DLGAP1: variants seen among roughly 807,000 people sequenced by gnomAD.
DLGAP1 encodes the protein DLG associated protein 1.
DLGAP1 carries 11 observed loss-of-function variants against 90.8 expected under a neutral mutation model. The observed-to-expected ratio is 0.12, with a 90% confidence interval of 0.08 to 0.20. DLGAP1 has a LOEUF of 0.20. Ranked by LOEUF, DLGAP1 falls within the 10% of genes least tolerant of loss-of-function variation. DLGAP1 has a pLI of 1.00. For missense variants in DLGAP1, 1,050 were observed against 1,333.8 expected, an observed-to-expected ratio of 0.79 and a Z score of 3.31; for synonymous variants, 558 against 540.7, an observed-to-expected ratio of 1.03 and a Z score of -0.44.
At chr18:3,815,490 G>T (rs1487013983) in intron 4 of DLGAP1, among the ~76,000 whole-genome samples, 2 of 152,014 alleles carry the variant, frequency 1.3e-5, no homozygotes, top group Non-Finnish European at 2.9e-5. Context: ...GACTTACCTG[G>T]TGTAGCTACT....
intron 1 of DLGAP1, among the ~76,000 whole-genome samples, chr18:4,288,170 G>T (rs906619803): frequency 6.6e-6 from 1 of 152,044 alleles, no homozygotes; most frequent in Non-Finnish European, 1.5e-5. Context: ...CCACTAACTC[G>T]TCATCTAGCA....
intron 7 of DLGAP1, among the ~76,000 whole-genome samples, chr18:3,649,646 C>T (rs1303604212): frequency 6.6e-6 from 1 of 152,162 alleles, no homozygotes; most frequent in African/African-American, 2.4e-5. Context: ...AGGCAAATAG[C>T]GGCTCCTTGC....
chr18:4,435,593 T>C (rs1263017931), intron 1 of DLGAP1, among the ~76,000 whole-genome samples: 1 of 152,216 alleles, frequency 6.6e-6, no homozygotes, highest in African/African-American at 2.4e-5. Context: ...GGGAGGGCAC[T>C]GATGTAAAAT....
chr18:3,691,189 C>T (rs772879887), intron 7 of DLGAP1, among the ~76,000 whole-genome samples: 363 of 152,254 alleles, frequency 2.4e-3, no homozygotes, highest in Non-Finnish European at 2.5e-3. Flanking sequence ...GGGGTCATGC[C>T]TGTAATCCCA....
intron 2 of DLGAP1, among the ~76,000 whole-genome samples, chr18:4,142,493 CA>C (rs2076511265): frequency 6.6e-6 from 1 of 152,130 alleles, no homozygotes; most frequent in Non-Finnish European, 1.5e-5. Flanking sequence ...GTCTCTGAGA[CA>C]TGAAAAATAA....
intron 1 of DLGAP1, among the ~76,000 whole-genome samples, chr18:4,434,862 CAG>C (rs1439546111): frequency 6.6e-6 from 1 of 152,076 alleles, no homozygotes; most frequent in African/African-American, 2.4e-5. Context: ...AGCGGGAAGA[CAG>C]AGAGAGAAAC....
chr18:4,009,696 G>T (rs1347057316), intron 2 of DLGAP1, among the ~76,000 whole-genome samples: 1 of 152,176 alleles, frequency 6.6e-6, no homozygotes, highest in Admixed American at 6.5e-5. Flanking sequence ...ATAACAAACG[G>T]AAGTTATGCC....
chr18:4,334,613 C>CT (rs1245462127), intron 1 of DLGAP1, among the ~76,000 whole-genome samples: 1 of 151,744 alleles, frequency 6.6e-6, no homozygotes. Flanking sequence ...TGCAAATGAA[C>CT]TTTTGCATTC....
rs190456899 is a variant in DLGAP1, at chr18:4,286,839, A to T, written c.-266-135552T>A. 1.8e-3 allele frequency among the ~76,000 whole-genome samples: 278 copies of T among 152,266 alleles called. 1 individual carries two copies. Among genetic ancestry groups the T allele is most frequent in the African/African-American group, 6.3e-3 (263 of 41,572 alleles). On this transcript the variant is annotated intron_variant, in intron 1 of 12. Coordinates refer to ENST00000315677, the MANE Select transcript of DLGAP1 (RefSeq NM_004746.4). ...AAAGAAAAAAGATAAATAGACAAGAATATGAAGTATTGGGGTTGAGGGCTG... is the reference window on the plus strand; with the variant it reads ...AAAGAAAAAAGATAAATAGACAAGATTATGAAGTATTGGGGTTGAGGGCTG...
intron 2 of DLGAP1, among the ~76,000 whole-genome samples, chr18:4,046,529 A>G (rs1340963710): frequency 6.6e-6 from 1 of 152,280 alleles, no homozygotes; most frequent in Admixed American, 6.5e-5. Context: ...ATAAGAAACC[A>G]TAGATATCAT....
intron 2 of DLGAP1, among the ~76,000 whole-genome samples, chr18:4,068,563 CTA>C (rs2075403094): frequency 6.6e-6 from 1 of 152,000 alleles, no homozygotes; most frequent in African/African-American, 2.4e-5. Context: ...TGATGCATAA[CTA>C]TGCATTTTTA....
At chr18:3,795,261 T>G (rs1241364472) in intron 5 of DLGAP1, among the ~76,000 whole-genome samples, 1 of 152,184 alleles carries the variant, frequency 6.6e-6, no homozygotes, top group East Asian at 1.9e-4. Flanking sequence ...TATTGGAAAC[T>G]AAGCTAAACA....
chr18:4,160,424 C>T (rs1317090830), intron 1 of DLGAP1, among the ~76,000 whole-genome samples: 3 of 152,162 alleles, frequency 2.0e-5, no homozygotes, highest in East Asian at 1.9e-4. Context: ...AGCTTAACTT[C>T]TGTTATAAGA....
At chr18:4,069,797 G>A (rs907151340) in intron 2 of DLGAP1, among the ~76,000 whole-genome samples, 5 of 152,240 alleles carry the variant, frequency 3.3e-5, no homozygotes, top group East Asian at 1.9e-4. Flanking sequence ...ATGTGACAAC[G>A]GACTAATACA....
intron 1 of DLGAP1, among the ~76,000 whole-genome samples, chr18:4,349,388 AC>A (rs2081362475): frequency 1.3e-5 from 2 of 152,170 alleles, no homozygotes. Context: ...AAGAGACATA[AC>A]AAGTAAATGC....
chr18:3,509,357 A>C (rs554665678), intron 10 of DLGAP1, among the ~76,000 whole-genome samples: 123 of 152,306 alleles, frequency 8.1e-4, no homozygotes, highest in Non-Finnish European at 1.3e-3. Flanking sequence ...CACTGTGCTG[A>C]AAATCTCCGT....
chr18:3,867,761 A>G (rs2070490828), intron 4 of DLGAP1, among the ~76,000 whole-genome samples: 1 of 152,176 alleles, frequency 6.6e-6, no homozygotes, highest in South Asian at 2.1e-4. Flanking sequence ...AATAGAATCT[A>G]ATAAATAAAA....
At chr18:3,699,889 C>T (rs772816366) in intron 7 of DLGAP1, among the ~76,000 whole-genome samples, 7 of 152,126 alleles carry the variant, frequency 4.6e-5, no homozygotes, top group Non-Finnish European at 7.3e-5. Flanking sequence ...TGCTGAGCTG[C>T]GGTTCAAACT....
intron 1 of DLGAP1, among the ~76,000 whole-genome samples, chr18:4,442,940 G>A (rs913986031): frequency 6.6e-6 from 1 of 152,164 alleles, no homozygotes; most frequent in African/African-American, 2.4e-5. Flanking sequence ...ATAGTGCTTG[G>A]CACATAGTAG....
Sources: gnomAD v4.1 joint callset for allele counts (sites outside exome capture counted in the v4.1 genomes callset) on GRCh38, gnomAD v4.1.1 for gene constraint, MANE v1.5 for transcripts, NCBI Gene and HGNC (gene_info 2026-07-23, HGNC 2026-07-21) for gene names.